TMCC1: variants seen among roughly 807,000 people sequenced by gnomAD.
The protein encoded by TMCC1 is transmembrane and coiled-coil domain family 1.
In TMCC1, 15 loss-of-function variants were observed where a neutral mutation model predicts 52.4. The observed-to-expected ratio is 0.29, with a 90% CI of 0.19 to 0.44. The LOEUF (loss-of-function observed/expected upper bound fraction) is 0.44. Ranked by LOEUF, TMCC1 falls within the 20% of genes least tolerant of loss-of-function variation. The pLI is 1.00. For missense variants in TMCC1, 503 were observed against 806.0 expected (o/e 0.62, Z 4.55); for synonymous variants, 279 against 301.9 (o/e 0.92, Z 0.79).
At chr3:129,867,847 G>A (rs773992431) in intron 2 of TMCC1, among the ~76,000 whole-genome samples, 6 of 152,154 alleles carry the variant, frequency 3.9e-5, no homozygotes, top group Non-Finnish European at 5.9e-5. Context: ...TAAAGATGAC[G>A]ACAGATGAAG....
At chr3:129,884,869 G>A (rs1352763460) in intron 1 of TMCC1, among the ~76,000 whole-genome samples, 8 of 150,172 alleles carry the variant, frequency 5.3e-5, no homozygotes, top group Admixed American at 5.3e-4. Flanking sequence ...GCAGGGCGTA[G>A]TGGCTCATAC....
At chr3:129,866,254 T>C (rs1441264791) in intron 2 of TMCC1, among the ~76,000 whole-genome samples, 1 of 145,742 alleles carries the variant, frequency 6.9e-6, no homozygotes, top group Middle Eastern at 3.3e-3. Context: ...ATATATATAA[T>C]ATATATTATA....
chr3:129,868,915 T>A (rs967736272), intron 2 of TMCC1: 1 of 152,252 alleles, frequency 6.6e-6, no homozygotes, highest in Non-Finnish European at 1.5e-5. Context: ...TCTAGTTTTA[T>A]GTATAGTAGT....
chr3:129,793,617 G>C (rs550758302), intron 4 of TMCC1, among the ~76,000 whole-genome samples: 7 of 152,208 alleles, frequency 4.6e-5, no homozygotes, highest in Non-Finnish European at 8.8e-5. Context: ...TAAATGACTG[G>C]GTCAAGGAGG....
intron 5 of TMCC1, among the ~76,000 whole-genome samples, chr3:129,665,664 A>C (rs7622149): frequency 0.092 from 14,037 of 152,136 alleles, 2,115 homozygotes; most frequent in African/African-American, 0.32. Context: ...CTAGGCTTTC[A>C]ACCATATAGA....
chr3:129,792,378 C>T (rs959763644), intron 4 of TMCC1, among the ~76,000 whole-genome samples: 23 of 151,768 alleles, frequency 1.5e-4, no homozygotes, highest in Non-Finnish European at 3.2e-4. Flanking sequence ...GACGGAGTCT[C>T]GCTCTGTCAC....
chr3:129,861,562 G>A (rs1213233264), intron 2 of TMCC1, among the ~76,000 whole-genome samples: 1 of 152,156 alleles, frequency 6.6e-6, no homozygotes, highest in Admixed American at 6.5e-5. Flanking sequence ...AACAGAGAAA[G>A]AATTCAAATA....
At chr3:129,673,212 T>G (rs941156788) in intron 4 of TMCC1, among the ~76,000 whole-genome samples, 2 of 152,094 alleles carry the variant, frequency 1.3e-5, no homozygotes, top group Non-Finnish European at 2.9e-5. Flanking sequence ...AGCAGTGGAA[T>G]GGACAGACGC....
At chr3:129,763,204 T>TAAAAAAA in intron 4 of TMCC1, among the ~76,000 whole-genome samples, 1 of 107,002 alleles carries the variant, frequency 9.3e-6, no homozygotes, top group African/African-American at 4.7e-5. Flanking sequence ...TCTCAAAAAA[T>TAAAAAAA]AAAAAATAAA....
At chr3:129,793,750 C>T (rs976226248) in intron 4 of TMCC1, among the ~76,000 whole-genome samples, 2 of 152,206 alleles carry the variant, frequency 1.3e-5, no homozygotes, top group Non-Finnish European at 2.9e-5. Context: ...AAGCTGCACA[C>T]ATGGAACCTG....
intron 2 of TMCC1, among the ~76,000 whole-genome samples, chr3:129,862,709 A>G (rs1022172037): frequency 2.6e-5 from 4 of 152,236 alleles, no homozygotes; most frequent in African/African-American, 9.6e-5. Context: ...ACCTGAAACA[A>G]GCTCATCACT....
chr3:129,793,718 G>C (rs149479262), intron 4 of TMCC1, among the ~76,000 whole-genome samples: 5 of 152,164 alleles, frequency 3.3e-5, no homozygotes, highest in Admixed American at 2.0e-4. Flanking sequence ...GATTTTCTCA[G>C]GTTAAAAAAA....
chr3:129,666,914 T>C (rs2087504724), intron 5 of TMCC1, among the ~76,000 whole-genome samples: 1 of 151,544 alleles, frequency 6.6e-6, no homozygotes, highest in Admixed American at 6.6e-5. Context: ...TTTTAATTTT[T>C]TTTTTGAGAC....
At chr3:129,754,005 G>T (rs968948722) in intron 4 of TMCC1, among the ~76,000 whole-genome samples, 1 of 150,198 alleles carries the variant, frequency 6.7e-6, no homozygotes, top group Admixed American at 6.6e-5. Context: ...CAACCTTCTT[G>T]AACTAAAAAA....
chr3:129,755,917 G>C (rs1405651338), intron 4 of TMCC1, among the ~76,000 whole-genome samples: 1 of 152,098 alleles, frequency 6.6e-6, no homozygotes, highest in Non-Finnish European at 1.5e-5. Flanking sequence ...ACCTGGCATG[G>C]TGAAACCCTG....
intron 4 of TMCC1, among the ~76,000 whole-genome samples, chr3:129,805,840 G>A (rs2057430099): frequency 6.6e-6 from 1 of 151,984 alleles, no homozygotes; most frequent in African/African-American, 2.4e-5. Context: ...AGGCTGAGGT[G>A]AGAACTGCTT....
chr3:129,652,681 G>A (rs1260989357), intron 6 of TMCC1, among the ~76,000 whole-genome samples: 1 of 152,192 alleles, frequency 6.6e-6, no homozygotes, highest in Non-Finnish European at 1.5e-5. Flanking sequence ...ACAGACAACA[G>A]ACTCCGTTAA....
intron 4 of TMCC1, among the ~76,000 whole-genome samples, chr3:129,711,805 A>G (rs1560243652): frequency 6.9e-6 from 1 of 143,934 alleles, no homozygotes; most frequent in Non-Finnish European, 1.5e-5. Context: ...CCTGACCAAC[A>G]TGGTGAAACC....
chr3:129,686,723 T>C (rs968901665), intron 4 of TMCC1, among the ~76,000 whole-genome samples: 2 of 151,884 alleles, frequency 1.3e-5, no homozygotes, highest in African/African-American at 4.8e-5. Flanking sequence ...AGAAAAGGAA[T>C]AGTGTAAGGG....
Sources: allele counts gnomAD v4.1 joint callset (sites outside exome capture counted in the v4.1 genomes callset), GRCh38; gene constraint gnomAD v4.1.1; transcripts MANE v1.5; gene names NCBI Gene and HGNC (gene_info 2026-07-23, HGNC 2026-07-21).